The following SP9 variants were observed in gnomAD, a reference collection of about 807,000 sequenced individuals.
The protein encoded by SP9 is Sp9 transcription factor.
SP9 carries 5 observed loss-of-function variants against 23.0 expected under a neutral mutation model. That is an observed-to-expected ratio of 0.22 (90% CI 0.11 to 0.46). The LOEUF is 0.46. SP9 is among the 20% of genes least tolerant of loss of function. SP9 has a pLI of 0.99. For missense variants in SP9, 542 were observed against 724.0 expected (o/e 0.75, Z 2.88); for synonymous variants, 360 against 356.5 (o/e 1.01, Z -0.11).
In SP9 at chr2:174,337,242, ACAC is replaced by A; in HGVS notation, c.1158_1160del (p.His386_Thr387delinsGln). The stretch of plus-strand genomic sequence containing the variant: ...GAGCTGCAGCGGCATCTGCGGACTC[ACAC>A]GGGCGAGAAGCGCTTCGCCTGTCCG... On this transcript the variant is annotated inframe_deletion, in exon 2 of 2. Coordinates refer to ENST00000394967, the MANE Select transcript of SP9 (RefSeq NM_001145250.2). The A allele has an allele frequency of 6.3e-7, 1 of 1,579,126 alleles. No homozygotes were observed.
At position 174,337,059 on chromosome 2, in the gene SP9, G is replaced by A. The variant is rs1311292909; in HGVS notation, c.974G>A (p.Ser325Asn). 1.3e-6 allele frequency: 2 copies of A among 1,547,034 alleles called. No individual in the cohort carries two copies. The highest frequency in any genetic ancestry group is 2.8e-5 in the African/African-American group (2 of 72,170). The stretch of plus-strand genomic sequence containing the variant: ...GAGCGGCTGGGCCCGGCCGGGGCGA[G>A]CCTGCGGCGCAAGGGCCTGCACAGC... ...EAERLGPAGA[S>N]LRRKGLHSCH... Residue 325 changes from serine to asparagine, a missense_variant, in exon 2 of 2, where the codon AGC (serine) becomes AAC (asparagine). Physicochemically the swap from Ser to Asn is conservative, Grantham distance 46. Coordinates refer to ENST00000394967, the MANE Select transcript of SP9 (RefSeq NM_001145250.2).
chr2:174,335,516 A>C, intron 1 of SP9: 3 of 204,556 alleles, frequency 1.5e-5, no homozygotes, highest in East Asian at 1.2e-4. Context: ...CGGCTCCCCA[A>C]TTCGCCCATG....
chr2:174,337,267 T>G lies in SP9; in HGVS notation c.1182T>G (p.Cys394Trp). 6.4e-7 allele frequency: 1 copy of G among 1,563,778 alleles called. No homozygotes were observed. Among genetic ancestry groups the G allele is most frequent in the Non-Finnish European group, 8.7e-7 (1 of 1,154,360 alleles). ...ACACGGGCGAGAAGCGCTTCGCCTG[T>G]CCGGTGTGCAACAAGCGCTTCATGC... Reference protein sequence around the residue: ...RTHTGEKRFACPVCNKRFMRS... With the variant: ...RTHTGEKRFAWPVCNKRFMRS... Residue 394 changes from cysteine to tryptophan, a missense_variant, in exon 2 of 2, where the codon TGT (cysteine) becomes TGG (tryptophan). Cys to Trp is a radical substitution (Grantham distance 215). This residue lies in a region of SP9 where 31 missense variants were observed against 16.7 expected (regional missense o/e 1.85). Transcript: ENST00000394967.
At chr2:174,335,944 C>A in intron 1 of SP9, 163 bp from the exon 2 acceptor site, 1 of 646,170 alleles carries the variant, frequency 1.5e-6, no homozygotes. Context: ...CCCGGTGCGG[C>A]GACTCCTCCG....
chr2:174,336,493 G>A lies in SP9; in HGVS notation c.408G>A (p.Lys136=), dbSNP rs533204433. Residue 136 remains lysine (K), a synonymous_variant, in exon 2 of 2, where the codon AAG becomes AAA. Transcript: ENST00000394967. The part of the protein sequence containing the change: ...EAGGQSAFIS[K]VHTTAADGLY... The stretch of plus-strand genomic sequence containing the variant: ...GTGGCCAGTCGGCCTTCATTTCCAA[G>A]GTGCACACGACGGCAGCCGACGGGC... The A allele has an allele frequency of 2.9e-4, 429 of 1,479,378 alleles. 2 individuals carry two copies. The African/African-American group carries it at 5.6e-3, about 19-fold the overall frequency. The allele number at this position is 1,479,378 out of a possible 1,614,324, so 91.6% of individuals were successfully genotyped here.
In SP9 at chr2:174,337,456, AGCGGCGGCGGCG is replaced by A. The variant is rs755628379; in HGVS notation, c.1374_1385del (p.Ala467_Ala470del). ...GCGTCAGTGCCGCCCGGGCGGCGGC[AGCGGCGGCGGCG>A]GCAGCGGCGGCGGCGGCGGCGGCGG... On this transcript the variant is annotated inframe_deletion, in exon 2 of 2. Coordinates refer to ENST00000394967, the MANE Select transcript of SP9 (RefSeq NM_001145250.2). 6 of 1,265,876 alleles carry A rather than the reference AGCGGCGGCGGCG, an allele frequency of 4.7e-6. 1 individual carries two copies. The highest frequency in any genetic ancestry group is 4.2e-5 in the Admixed American group (1 of 24,074). The allele number at this position is 1,265,876 out of a possible 1,614,324, so 78.4% of individuals were successfully genotyped here. A position where few individuals can be genotyped will look rare whatever the true frequency, so the allele number is the denominator to read the frequency against.
rs1684408120 is a variant in SP9 at position 174,336,173 on chromosome 2, A to T, written c.88A>T (p.Thr30Ser). The change falls in exon 2 of 2, where the codon ACG becomes TCG. Residue 30 changes from threonine to serine, a missense_variant. This residue lies in a region of SP9 where 201 missense variants were observed against 226.3 expected (regional missense o/e 0.89). Coordinates refer to ENST00000394967, the MANE Select transcript of SP9 (RefSeq NM_001145250.2). ...LAATCNKIGN[T>S]SPLTTLPESS... is the part of the protein sequence containing the mutation. ...GGCGACCTGCAACAAGATCGGCAACACGAGCCCGCTGACGACGCTGCCAGA... is the reference window on the plus strand; with the variant it reads ...GGCGACCTGCAACAAGATCGGCAACTCGAGCCCGCTGACGACGCTGCCAGA... 6.4e-7 allele frequency: 1 copy of T among 1,550,878 alleles called. No homozygotes were observed. Among genetic ancestry groups the T allele is most frequent in the Non-Finnish European group, 8.7e-7 (1 of 1,146,638 alleles).
Position 174,337,469 on chromosome 2 carries a change from G to T in SP9, c.1384G>T (p.Ala462Ser). 1 of 1,199,906 alleles carries T rather than the reference G, an allele frequency of 8.3e-7. No homozygotes were observed. The highest frequency in any genetic ancestry group is 1.1e-6 in the Non-Finnish European group (1 of 945,462). The allele number at this position is 1,199,906 out of a possible 1,614,324, so 74.3% of individuals were successfully genotyped here. Residue 462 changes from alanine to serine, a missense_variant, in exon 2 of 2, where the codon GCA (alanine) becomes TCA (serine). Ala to Ser is a moderately conservative substitution (Grantham distance 99). This residue lies in a region of SP9 where 55 missense variants were observed against 56.1 expected (regional missense o/e 0.98). Coordinates refer to ENST00000394967, the MANE Select transcript of SP9 (RefSeq NM_001145250.2). ...CCGGGCGGCGGCAGCGGCGGCGGCG[G>T]CAGCGGCGGCGGCGGCGGCGGCGGC... ...AARAAAAAAAAAAAAAAAASA... is the reference protein window; with the variant it reads ...AARAAAAAAASAAAAAAAASA...
Position 174,336,342 on chromosome 2 carries a change from A to C in SP9, c.257A>C (p.Asn86Thr), listed in dbSNP as rs1048688957. The change falls in exon 2 of 2, where the codon AAC becomes ACC. Residue 86 changes from asparagine to threonine, a missense_variant. Asn to Thr is a moderately conservative substitution (Grantham distance 65). Coordinates refer to ENST00000394967, the MANE Select transcript of SP9 (RefSeq NM_001145250.2). ...GGLAGGSGAANSAFCLASTSP... is the reference protein window; with the variant it reads ...GGLAGGSGAATSAFCLASTSP... ...CTGGCGGGCGGCTCGGGCGCCGCCAACAGCGCCTTCTGCCTGGCCTCCACG... is the reference window on the plus strand; with the variant it reads ...CTGGCGGGCGGCTCGGGCGCCGCCACCAGCGCCTTCTGCCTGGCCTCCACG... 100 of 1,499,274 alleles carry C rather than the reference A, an allele frequency of 6.7e-5. 1 individual carries two copies. The allele number at this position is 1,499,274 out of a possible 1,614,324, so 92.9% of individuals were successfully genotyped here.
chr2:174,335,185 T>C, intron 1 of SP9, 72 bp downstream of exon 1: 2 of 1,500,456 alleles, frequency 1.3e-6, no homozygotes, highest in Non-Finnish European at 1.8e-6. Flanking sequence ...TTCTGGGGTC[T>C]GCGGCTCCGG....
rs1206780449 is a variant in SP9 at position 174,336,481 on chromosome 2, C to G, written c.396C>G (p.Ala132=). The change falls in exon 2 of 2, where the codon GCC becomes GCG. Residue 132 remains alanine, a synonymous_variant. Coordinates refer to ENST00000394967, the MANE Select transcript of SP9 (RefSeq NM_001145250.2). The stretch of plus-strand genomic sequence containing the variant: ...CGCAGGAGGCGGGTGGCCAGTCGGC[C>G]TTCATTTCCAAGGTGCACACGACGG... The part of the protein sequence containing the change: ...VSPQEAGGQS[A]FISKVHTTAA... 1 of 1,481,704 alleles carries G rather than the reference C, an allele frequency of 6.7e-7. No individual in the cohort carries two copies. Among genetic ancestry groups the G allele is most frequent in the Non-Finnish European group, 8.9e-7 (1 of 1,121,878 alleles). 91.8% of individuals were successfully genotyped at this position (1,481,704 alleles called of 1,614,324 possible). A position where few individuals can be genotyped will look rare whatever the true frequency, so the allele number is the denominator to read the frequency against.
Position 174,336,338 on chromosome 2 carries a change from G to T in SP9, c.253G>T (p.Ala85Ser), listed in dbSNP as rs1161308932. 5.3e-6 allele frequency: 8 copies of T among 1,495,610 alleles called. No individual in the cohort carries two copies. Among genetic ancestry groups the T allele is most frequent in the Non-Finnish European group, 7.1e-6 (8 of 1,130,200 alleles). 92.6% of individuals were successfully genotyped at this position (1,495,610 alleles called of 1,614,324 possible). ...SGGLAGGSGA[A>S]NSAFCLASTS... ...CGGCCTGGCGGGCGGCTCGGGCGCC[G>T]CCAACAGCGCCTTCTGCCTGGCCTC... The change falls in exon 2 of 2, where the codon GCC (alanine) becomes TCC (serine). Residue 85 changes from alanine to serine, a missense_variant. Physicochemically the swap from Ala to Ser is moderately conservative, Grantham distance 99. Around this residue, in one of 8 missense-constraint regions of SP9, gnomAD observed 201 missense variants for 226.3 expected, o/e 0.89. Transcript: ENST00000394967.
At position 174,336,108 on chromosome 2, in the gene SP9, A is replaced by T; in HGVS notation, c.23A>T (p.Glu8Val). 6.5e-7 allele frequency: 1 copy of T among 1,536,026 alleles called. No individual in the cohort carries two copies. Among genetic ancestry groups the T allele is most frequent in the Non-Finnish European group, 8.8e-7 (1 of 1,135,534 alleles). The change falls in exon 2 of 2, where the codon GAA (glutamate) becomes GTA (valine). Residue 8 changes from glutamate to valine, a missense_variant and splice_region_variant. By Grantham distance (121) the Glu-to-Val change is moderately radical. Around this residue, in one of 8 missense-constraint regions of SP9, gnomAD observed 201 missense variants for 226.3 expected, o/e 0.89. Coordinates refer to ENST00000394967, the MANE Select transcript of SP9 (RefSeq NM_001145250.2). MATSILG[E>V]EPRFGTTPLA... ...CCTCCCCCATCCCACCCACTCTAGG[A>T]AGAGCCGCGCTTCGGAACGACCCCG...
chr2:174,337,458 C>G lies in SP9; in HGVS notation c.1373C>G (p.Ala458Gly), dbSNP rs1050079730. 1 of 1,196,010 alleles carries G rather than the reference C, an allele frequency of 8.4e-7. No individual in the cohort carries two copies. The highest frequency in any genetic ancestry group is 1.6e-5 in the African/African-American group (1 of 61,290). 74.1% of individuals were successfully genotyped at this position (1,196,010 alleles called of 1,614,324 possible). ...SGVSAARAAA[A>G]AAAAAAAAAA... ...GTCAGTGCCGCCCGGGCGGCGGCAG[C>G]GGCGGCGGCGGCAGCGGCGGCGGCG... is the stretch of plus-strand genomic sequence containing the variant. The change falls in exon 2 of 2, where the codon GCG becomes GGG. Residue 458 changes from alanine to glycine, a missense_variant. Transcript: ENST00000394967.
In SP9 at chr2:174,337,185, T is replaced by C. The variant is rs1393121704; in HGVS notation, c.1100T>C (p.Leu367Pro). ...GAGCGGCCCTTCGTGTGCAACTGGC[T>C]CTTCTGCGGCAAGCGCTTCACGCGC... ...TGERPFVCNW[L>P]FCGKRFTRSD... Residue 367 changes from leucine to proline, a missense_variant, in exon 2 of 2, where the codon CTC becomes CCC. Physicochemically the swap from Leu to Pro is moderately conservative, Grantham distance 98 (BLOSUM62 -3). Transcript: ENST00000394967. 1.9e-6 allele frequency: 3 copies of C among 1,606,220 alleles called. No individual in the cohort carries two copies. Among genetic ancestry groups the C allele is most frequent in the Non-Finnish European group, 1.7e-6 (2 of 1,177,002 alleles).
At chr2:174,336,008 C>T in intron 1 of SP9, 99 bp from the exon 2 acceptor site, 1 of 1,177,578 alleles carries the variant, frequency 8.5e-7, no homozygotes, top group Non-Finnish European at 1.2e-6. Flanking sequence ...CCGGGAGCAG[C>T]CGCAGGGGAC....
In SP9 at chr2:174,337,394, C is replaced by A; in HGVS notation, c.1309C>A (p.Arg437Ser). Residue 437 changes from arginine (R) to serine (S), a missense_variant, in exon 2 of 2, where the codon CGT (arginine) becomes AGT (serine). Physicochemically the swap from Arg to Ser is moderately radical, Grantham distance 110. Coordinates refer to ENST00000394967, the MANE Select transcript of SP9 (RefSeq NM_001145250.2). ...GGACGCCAGCAACCTGGAGACGCCCCGTTCCGAATCCCCCGACCTCATCCT... is the reference window on the plus strand; with the variant it reads ...GGACGCCAGCAACCTGGAGACGCCCAGTTCCGAATCCCCCGACCTCATCCT... Reference protein sequence around the residue: ...DTDASNLETPRSESPDLILHD... With the variant: ...DTDASNLETPSSESPDLILHD... The A allele has an allele frequency of 6.5e-7, 1 of 1,548,908 alleles. No homozygotes were observed. Among genetic ancestry groups the A allele is most frequent in the Non-Finnish European group, 8.7e-7 (1 of 1,146,318 alleles).
At position 174,337,489 on chromosome 2, in the gene SP9, G is replaced by GGCGGCCTCC; in HGVS notation, c.1409_1417dup (p.Ala470_Ala472dup). ...CGGCGGCAGCGGCGGCGGCGGCGGC[G>GGCGGCCTCC]GCGGCCTCCGCGGGAGGCAAGGAAG... On this transcript the variant is annotated inframe_insertion, in exon 2 of 2. Transcript: ENST00000394967. 8.3e-7 allele frequency: 1 copy of GGCGGCCTCC among 1,199,070 alleles called. No individual in the cohort carries two copies. The highest frequency in any genetic ancestry group is 1.0e-6 in the Non-Finnish European group (1 of 962,320). 74.3% of individuals were successfully genotyped at this position (1,199,070 alleles called of 1,614,324 possible).
chr2:174,335,316 T>C (rs1291551987), intron 1 of SP9: 1 of 550,380 alleles, frequency 1.8e-6, no homozygotes, highest in Non-Finnish European at 3.3e-6. Flanking sequence ...AAGGCCTTCT[T>C]AATCAAGTCC....
Sources: allele counts gnomAD v4.1 joint callset, GRCh38; gene constraint gnomAD v4.1.1; regional missense constraint gnomAD v4.1.1; transcripts MANE v1.5; gene names NCBI Gene and HGNC (gene_info 2026-07-23, HGNC 2026-07-21).